Variants in CD8A observed in about 807,000 individuals in gnomAD.
CD8A encodes T-cell surface glycoprotein CD8 alpha chain.
In CD8A, 25 loss-of-function variants were observed where a neutral mutation model predicts 24.2. The observed-to-expected ratio is 1.03, with a 90% CI of 0.75 to 1.44. CD8A has a LOEUF of 1.44. Among genes scored for constraint, CD8A ranks in the 40% most tolerant of loss-of-function variants. The pLI, the probability that CD8A is intolerant of heterozygous loss-of-function variation, is 0.00. For missense variants in CD8A, 360 were observed against 319.7 expected, an observed-to-expected ratio of 1.13 and a Z score of -0.96; for synonymous variants, 165 against 149.9, an observed-to-expected ratio of 1.10 and a Z score of -0.74.
chr2:86,790,799 G>A lies in CD8A; in HGVS notation c.27C>T (p.Leu9=). ...CACGGAGCAGCAAGGCCAGCGGCAG[G>A]AGCAAGGCGGTCACTGGTAAGGCCA... is the stretch of plus-strand genomic sequence containing the variant. MALPVTAL[L]LPLALLLHAA... Residue 9 remains leucine (L), a synonymous_variant, in exon 1 of 6, where the codon CTC becomes CTT. Coordinates refer to ENST00000283635, the MANE Select transcript of CD8A (RefSeq NM_001768.7). 1.3e-6 allele frequency: 2 copies of A among 1,550,132 alleles called. No homozygotes were observed. Among genetic ancestry groups the A allele is most frequent in the Non-Finnish European group, 1.7e-6 (2 of 1,152,018 alleles).
At chr2:86,804,899 C>T (rs1380342494) in intron 2 of CD8A, among the ~76,000 whole-genome samples, 1 of 146,866 alleles carries the variant, frequency 6.8e-6, no homozygotes, top group Non-Finnish European at 1.5e-5. Context: ...ACCTCCTGGG[C>T]TTAAATGATT....
intron 2 of CD8A, among the ~76,000 whole-genome samples, chr2:86,806,108 T>C (rs930928733): frequency 1.3e-5 from 2 of 152,154 alleles, no homozygotes; most frequent in Admixed American, 6.5e-5. Flanking sequence ...CTGGGATCCA[T>C]GAAATAACCT....
At chr2:86,805,534 T>G (rs1002500683) in intron 2 of CD8A, among the ~76,000 whole-genome samples, 3 of 152,178 alleles carry the variant, frequency 2.0e-5, no homozygotes, top group Admixed American at 6.5e-5. Context: ...TAGGGTGTGA[T>G]GGTATCTCGT....
chr2:86,792,363 C>A (rs1219732841), upstream of CD8A, among the ~76,000 whole-genome samples: 2 of 152,322 alleles, frequency 1.3e-5, no homozygotes, highest in Admixed American at 1.3e-4. Context: ...TGGGCGAGGA[C>A]CATGCCGAGA....
chr2:86,787,902 T>A lies in CD8A; in HGVS notation c.656+628A>T, dbSNP rs78463902. ...CAGAGAGGGAGAGAGAGAGAGAGTG[T>A]GTGTGTGTGTGTGTGTGTGTGTGTG... On this transcript the variant is annotated intron_variant, in intron 5 of 5. Coordinates refer to ENST00000283635, the MANE Select transcript of CD8A (RefSeq NM_001768.7). Among the ~76,000 whole-genome samples the A allele has an allele frequency of 2.0e-3, 245 of 125,100 alleles. 2 individuals carry two copies. The Middle Eastern group carries it at 0.022, about 11-fold the overall frequency. The allele number at this position is 125,100 out of a possible 152,430, so 82.1% of individuals were successfully genotyped here.
chr2:86,795,010 T>C (rs1002357872), upstream of CD8A, among the ~76,000 whole-genome samples: 1 of 152,192 alleles, frequency 6.6e-6, no homozygotes, highest in African/African-American at 2.4e-5. Context: ...GTTTAGCTCC[T>C]TCCCCCTCCC....
At chr2:86,800,321 G>A (rs1029749045) in intron 3 of CD8A, among the ~76,000 whole-genome samples, 1 of 151,558 alleles carries the variant, frequency 6.6e-6, no homozygotes. Context: ...ATTTAGTCGG[G>A]CATGGTGGCA....
At chr2:86,794,977 C>T (rs1462496320), upstream of CD8A, among the ~76,000 whole-genome samples, 1 of 152,208 alleles carries the variant, frequency 6.6e-6, no homozygotes, top group Non-Finnish European at 1.5e-5. Context: ...TAAGACCCAG[C>T]TCAAGCATCT....
chr2:86,804,794 C>CTTT (rs70958908), intron 2 of CD8A, among the ~76,000 whole-genome samples: 27 of 94,062 alleles, frequency 2.9e-4, no homozygotes, highest in East Asian at 9.5e-4. Context: ...CTTGCTAAAT[C>CTTT]TTTTTTTTTT....
At chr2:86,804,226 T>TA (rs1258728194) in intron 2 of CD8A, among the ~76,000 whole-genome samples, 2 of 152,194 alleles carry the variant, frequency 1.3e-5, no homozygotes, top group African/African-American at 4.8e-5. Context: ...GGTATATACA[T>TA]AGAGTGGAAT....
rs1277197922 is a variant in CD8A at position 86,790,485 on chromosome 2, C to T, written c.246G>A (p.Glu82=). ...YLSQNKPKAA[E]GLDTQRFSGK... ...CCGAGAACCGCTGGGTGTCCAGCCC[C>T]TCGGCCGCCTTGGGCTTGTTTTGGG... The change falls in exon 2 of 6, where the codon GAG becomes GAA. Residue 82 remains glutamate, a synonymous_variant. Coordinates refer to ENST00000283635, the MANE Select transcript of CD8A (RefSeq NM_001768.7). 1 of 1,614,154 alleles carries T rather than the reference C, an allele frequency of 6.2e-7. No individual in the cohort carries two copies. The highest frequency in any genetic ancestry group is 2.2e-5 in the East Asian group (1 of 44,874).
upstream of CD8A, chr2:86,791,830 A>G (rs1347517973): frequency 1.6e-5 from 6 of 363,662 alleles, no homozygotes; most frequent in South Asian, 1.2e-4. Context: ...ACGCCCTTGC[A>G]CTTGCGGTCC....
Position 86,789,720 on chromosome 2 carries a change from G to A in CD8A, c.434C>T (p.Pro145Leu). 1.5e-6 allele frequency: 2 copies of A among 1,378,110 alleles called. No individual in the cohort carries two copies. The highest frequency in any genetic ancestry group is 1.9e-6 in the Non-Finnish European group (2 of 1,073,738). 85.4% of individuals were successfully genotyped at this position (1,378,110 alleles called of 1,614,324 possible). ...CGCGATGGTGGGCGCCGGTGTTGGTGGTCGCGGCGCTGGCGTCGTGGTGGG... is the reference window on the plus strand; with the variant it reads ...CGCGATGGTGGGCGCCGGTGTTGGTAGTCGCGGCGCTGGCGTCGTGGTGGG... ...AKPTTTPAPR[P>L]PTPAPTIASQ... Residue 145 changes from proline to leucine, a missense_variant, in exon 3 of 6, where the codon CCA (proline) becomes CTA (leucine). Coordinates refer to ENST00000283635, the MANE Select transcript of CD8A (RefSeq NM_001768.7).
At chr2:86,790,306 T>C in intron 2 of CD8A, 22 bp downstream of exon 2, 1 of 1,566,952 alleles carries the variant, frequency 6.4e-7, no homozygotes, top group Non-Finnish European at 8.8e-7. Flanking sequence ...CGCGGAGAGG[T>C]GCCGCAACCC....
In CD8A at chr2:86,789,684, A is replaced by C. The variant is rs1371259179; in HGVS notation, c.470T>G (p.Leu157Arg). The C allele has an allele frequency of 4.2e-6, 6 of 1,423,888 alleles. No individual in the cohort carries two copies. In the East Asian group the frequency reaches 1.7e-4, roughly 41 times the overall value. The allele number at this position is 1,423,888 out of a possible 1,614,324, so 88.2% of individuals were successfully genotyped here. Residue 157 changes from leucine to arginine, a missense_variant, in exon 3 of 6, where the codon CTG (leucine) becomes CGG (arginine). Transcript: ENST00000283635. ...TPAPTIASQP[L>R]SLRPEACRPA... The stretch of plus-strand genomic sequence containing the variant: ...CCGGCACGCCTCTGGGCGCAGGGAC[A>C]GGGGCTGCGACGCGATGGTGGGCGC...
At chr2:86,806,496 G>T (rs1351332611) in intron 2 of CD8A, among the ~76,000 whole-genome samples, 1 of 152,266 alleles carries the variant, frequency 6.6e-6, no homozygotes, top group East Asian at 1.9e-4. Context: ...GGGACAGACT[G>T]AAGAGGATTT....
chr2:86,789,799 G>GCGCCCT, intron 2 of CD8A, 49 bp from the exon 3 acceptor site: 1 of 1,099,470 alleles, frequency 9.1e-7, no homozygotes, highest in Non-Finnish European at 1.2e-6. Flanking sequence ...GGTTATGGAG[G>GCGCCCT]CGCCCCAGCC....
At chr2:86,801,295 C>T (rs1430299728) in intron 3 of CD8A, among the ~76,000 whole-genome samples, 5 of 151,382 alleles carry the variant, frequency 3.3e-5, no homozygotes, top group Non-Finnish European at 7.4e-5. Context: ...CCCTCCCTTC[C>T]TTCCTTCCTT....
In CD8A at chr2:86,787,679, G is replaced by C. The variant is rs572851272; in HGVS notation, c.656+851C>G. ...CGTGCGTTGTAGGCTTTCATCAAAT[G>C]GTTATTACTATTGATAATCTGAGTT... On this transcript the variant is annotated intron_variant, in intron 5 of 5. Transcript: ENST00000283635. Among the ~76,000 whole-genome samples the C allele has an allele frequency of 7.9e-5, 12 of 152,230 alleles. 2 individuals are homozygous for C. In the South Asian group the frequency reaches 2.1e-3, roughly 26 times the overall value.
Sources: gnomAD v4.1 joint callset for allele counts (sites outside exome capture counted in the v4.1 genomes callset) on GRCh38, gnomAD v4.1.1 for gene constraint, MANE v1.5 for transcripts, NCBI Gene and HGNC (gene_info 2026-07-23, HGNC 2026-07-21) for gene names.